Variants in NSUN7 observed in about 807,000 individuals in gnomAD.
The protein encoded by NSUN7 is NOP2/Sun RNA methyltransferase family member 7.
NSUN7 carries 39 observed loss-of-function variants against 58.5 expected under a neutral mutation model. That is an observed-to-expected ratio of 0.67 (90% confidence interval 0.52 to 0.87). The LOEUF (loss-of-function observed/expected upper bound fraction) is 0.87. Among genes scored for constraint, NSUN7 ranks in the 40% least tolerant of loss-of-function variants. The pLI, the probability that NSUN7 is intolerant of heterozygous loss-of-function variation, is 0.00. For synonymous variants in NSUN7, 278 were observed against 303.7 expected (o/e 0.92, Z 0.88); for missense variants, 765 against 844.1 (o/e 0.91, Z 1.16).
At chr4:40,785,832 G>A (rs1261860861) in intron 7 of NSUN7, among the ~76,000 whole-genome samples, 2 of 152,248 alleles carry the variant, frequency 1.3e-5, no homozygotes, top group Non-Finnish European at 2.9e-5. Context: ...AGAAGAAATA[G>A]TAAAGATTGA....
At chr4:40,801,463 C>T (rs1395343684) in intron 10 of NSUN7, among the ~76,000 whole-genome samples, 1 of 152,014 alleles carries the variant, frequency 6.6e-6, no homozygotes, top group African/African-American at 2.4e-5. Flanking sequence ...TGTACTTTCC[C>T]ACTGTTTTCA....
intron 4 of NSUN7, 45 bp from the exon 5 acceptor site, chr4:40,774,220 C>G: frequency 6.4e-7 from 1 of 1,552,486 alleles, no homozygotes; most frequent in East Asian, 2.2e-5. Context: ...AATTGATAGT[C>G]TTGTCTCAAA....
At chr4:40,771,954 CT>C (rs1019190554) in intron 4 of NSUN7, among the ~76,000 whole-genome samples, 1 of 151,700 alleles carries the variant, frequency 6.6e-6, no homozygotes. Context: ...ATGGAAGAAG[CT>C]TTTTTTAGTA....
rs559154466 is a variant in NSUN7 at position 40,808,425 on chromosome 4, C to A, written c.1643C>A (p.Ser548Ter). 1.2e-6 allele frequency: 2 copies of A among 1,612,708 alleles called. No individual in the cohort carries two copies. Among genetic ancestry groups the A allele is most frequent in the African/African-American group, 2.7e-5 (2 of 74,868 alleles). Residue 548 changes from serine to a stop codon, truncating the protein, a stop_gained, in exon 12 of 12, where the codon TCA becomes TAA. Transcript: ENST00000381782. LOFTEE classifies it low-confidence loss of function (END_TRUNC). ...AAACGGGAGAAGAAGAAGAAAAAAT[C>A]AAAAACATCATTGACAAAAGGTGCC... ...SSKREKKKKK[S>*]KTSLTKGATT...
intron 7 of NSUN7, among the ~76,000 whole-genome samples, chr4:40,780,813 ATTTTTT>A (rs1171816788): frequency 2.6e-3 from 166 of 63,042 alleles, no homozygotes; most frequent in African/African-American, 3.9e-3. Flanking sequence ...ATATATATAT[ATTTTTT>A]TTTTTTTTTT....
At chr4:40,768,739 C>A (rs1271396083) in intron 4 of NSUN7, among the ~76,000 whole-genome samples, 1 of 151,984 alleles carries the variant, frequency 6.6e-6, no homozygotes, top group Non-Finnish European at 1.5e-5. Context: ...TCTTTAAGAA[C>A]CCATTCTTTG....
At chr4:40,792,908 G>A (rs1743159170) in intron 8 of NSUN7, among the ~76,000 whole-genome samples, 1 of 152,252 alleles carries the variant, frequency 6.6e-6, no homozygotes, top group East Asian at 1.9e-4. Context: ...GGGTGAATCC[G>A]AAAGATTATT....
At chr4:40,799,581 A>G (rs1039411766) in intron 10 of NSUN7, among the ~76,000 whole-genome samples, 1 of 152,188 alleles carries the variant, frequency 6.6e-6, no homozygotes, top group African/African-American at 2.4e-5. Context: ...TGATTAATCT[A>G]TAGCATAAAA....
chr4:40,751,590 C>T (rs1211834680), intron 2 of NSUN7, among the ~76,000 whole-genome samples: 2 of 152,154 alleles, frequency 1.3e-5, no homozygotes, highest in Admixed American at 6.5e-5. Context: ...ACACCAACCC[C>T]AATTAAGACT....
At chr4:40,786,786 C>T in intron 7 of NSUN7, 4 of 1,431,938 alleles carry the variant, frequency 2.8e-6, no homozygotes, top group South Asian at 1.4e-5. Flanking sequence ...AGAGTGTCTA[C>T]AGCGTGGTTT....
At chr4:40,752,494 C>T (rs1740882615) in intron 2 of NSUN7, among the ~76,000 whole-genome samples, 1 of 152,188 alleles carries the variant, frequency 6.6e-6, no homozygotes, top group African/African-American at 2.4e-5. Context: ...AATCTTGGCT[C>T]ACTGCAAGCT....
chr4:40,750,543 G>A, intron 1 of NSUN7, 60 bp from the exon 2 acceptor site: 1 of 862,910 alleles, frequency 1.2e-6, no homozygotes, highest in Non-Finnish European at 1.7e-6. Flanking sequence ...AACGAAGGGG[G>A]CCACCCACAG....
At chr4:40,774,483 G>T (rs1742171673) in intron 5 of NSUN7, 66 bp downstream of exon 5, 1 of 1,501,996 alleles carries the variant, frequency 6.7e-7, no homozygotes, top group Non-Finnish European at 9.2e-7. Context: ...GTGATGAGAA[G>T]CATTACCTTT....
At chr4:40,751,079 T>G (rs550856839) in intron 2 of NSUN7, 88 bp downstream of exon 2, 1 of 1,442,332 alleles carries the variant, frequency 6.9e-7, no homozygotes, top group African/African-American at 1.4e-5. Flanking sequence ...TCCCTTCCCC[T>G]CATTCACACC....
At chr4:40,792,609 G>A (rs1469081794) in intron 8 of NSUN7, among the ~76,000 whole-genome samples, 1 of 152,136 alleles carries the variant, frequency 6.6e-6, no homozygotes, top group Admixed American at 6.5e-5. Flanking sequence ...AAATTAGCCG[G>A]GCGAGGTGGC....
intron 4 of NSUN7, among the ~76,000 whole-genome samples, chr4:40,771,067 A>C (rs1241657250): frequency 6.6e-6 from 1 of 152,178 alleles, no homozygotes; most frequent in Non-Finnish European, 1.5e-5. Flanking sequence ...AAAAAATAAT[A>C]AACTGAGGAA....
intron 9 of NSUN7, among the ~76,000 whole-genome samples, chr4:40,797,186 C>G (rs2154288985): frequency 6.6e-6 from 1 of 152,298 alleles, no homozygotes; most frequent in South Asian, 2.1e-4. Flanking sequence ...TGGGTCCTCT[C>G]TGTCTCAACA....
chr4:40,783,158 G>A (rs916531979), intron 7 of NSUN7, among the ~76,000 whole-genome samples: 2 of 152,180 alleles, frequency 1.3e-5, no homozygotes, highest in African/African-American at 4.8e-5. Context: ...TGATGCTAGC[G>A]TAAGGGTAAA....
At chr4:40,753,686 T>C (rs1244815243) in intron 2 of NSUN7, among the ~76,000 whole-genome samples, 4 of 152,230 alleles carry the variant, frequency 2.6e-5, no homozygotes, top group South Asian at 4.1e-4. Context: ...TTTTTTCTTA[T>C]AATAATACGT....
Sources: gnomAD v4.1 joint callset for allele counts (sites outside exome capture counted in the v4.1 genomes callset) on GRCh38, gnomAD v4.1.1 for gene constraint, MANE v1.5 for transcripts, NCBI Gene and HGNC (gene_info 2026-07-23, HGNC 2026-07-21) for gene names.